The following TRAF3IP3 variants were observed in gnomAD, a reference collection of about 807,000 sequenced individuals.
TRAF3IP3 encodes TRAF3-interacting JNK-activating modulator.
Under a neutral mutation model 86.5 loss-of-function variants are expected in TRAF3IP3, and 64 were observed. The observed-to-expected ratio is 0.74, with a 90% CI of 0.60 to 0.91. The LOEUF is 0.91. TRAF3IP3 is among the 40% of genes least tolerant of loss of function. The pLI, the probability that TRAF3IP3 is intolerant of heterozygous loss-of-function variation, is 0.00. For synonymous variants in TRAF3IP3, 220 were observed against 243.9 expected (o/e 0.90, Z 0.91); for missense variants, 579 against 642.9 (o/e 0.90, Z 1.07).
chr1:209,763,001 C>A, intron 5 of TRAF3IP3, 67 bp from the exon 6 acceptor site: 1 of 1,595,260 alleles, frequency 6.3e-7, no homozygotes, highest in South Asian at 1.1e-5. Flanking sequence ...CAGAAGGAAT[C>A]AACCCACTGC....
At position 209,759,991 on chromosome 1, in the gene TRAF3IP3, T is replaced by C. The variant is rs2077217176; in HGVS notation, c.-49T>C. The C allele has an allele frequency of 1.3e-6, 2 of 1,504,442 alleles. No individual in the cohort carries two copies. Among genetic ancestry groups the C allele is most frequent in the Non-Finnish European group, 1.8e-6 (2 of 1,089,902 alleles). 93.2% of individuals were successfully genotyped at this position (1,504,442 alleles called of 1,614,324 possible). ...TCTTGGCATTTGGCAGATCCAGGCA[T>C]CTATTCCAGGAACTGGAAGCCAAGC... On this transcript the variant is annotated 5_prime_UTR_variant, in exon 3 of 17. Transcript: ENST00000367025.
chr1:209,779,252 T>C (rs746611557), intron 13 of TRAF3IP3, 63 bp from the exon 14 acceptor site: 2 of 1,455,280 alleles, frequency 1.4e-6, no homozygotes, highest in Non-Finnish European at 1.9e-6. Flanking sequence ...AGCAAAGTTC[T>C]GAAAAGAAAA....
chr1:209,768,144 G>GA (rs1299880381), intron 8 of TRAF3IP3: 9 of 985,402 alleles, frequency 9.1e-6, no homozygotes, highest in Non-Finnish European at 1.1e-5. Context: ...TGGTATCTGG[G>GA]AAAAATAATT....
intron 8 of TRAF3IP3, among the ~76,000 whole-genome samples, chr1:209,771,369 AGGTGTGTGTGC>A (rs1477591982): frequency 1.4e-5 from 1 of 72,472 alleles, no homozygotes. Flanking sequence ...GTGCAGCTGG[AGGTGTGTGTGC>A]AGGTGGAAGT....
At chr1:209,773,051 G>C in intron 9 of TRAF3IP3, 32 bp downstream of exon 9, 2 of 1,537,348 alleles carry the variant, frequency 1.3e-6, no homozygotes, top group Non-Finnish European at 1.8e-6. Flanking sequence ...TCCATCTCAG[G>C]AATCTAGAAT....
chr1:209,760,747 T>C (rs1294111364), intron 3 of TRAF3IP3, among the ~76,000 whole-genome samples: 3 of 152,100 alleles, frequency 2.0e-5, no homozygotes, highest in East Asian at 3.9e-4. Context: ...AGCCTTTTGA[T>C]AGAGACAAGA....
At position 209,777,394 on chromosome 1, in the gene TRAF3IP3, T is replaced by A; in HGVS notation, c.1096T>A (p.Phe366Ile). Residue 366 changes from phenylalanine (F) to isoleucine (I), a missense_variant, in exon 12 of 17, where the codon TTT becomes ATT. Phe to Ile is a conservative substitution (Grantham distance 21). Transcript: ENST00000367025. Reference sequence around the variant, plus strand: ...CTTACAGATGAACCAGGCCCTGCGATTTTTGGAAAATGAGCACCAGCAACT... The same window carrying A: ...CTTACAGATGAACCAGGCCCTGCGAATTTTGGAAAATGAGCACCAGCAACT... ...RDLQMNQALR[F>I]LENEHQQLQA... 6.2e-7 allele frequency: 1 copy of A among 1,613,456 alleles called. No homozygotes were observed. The highest frequency in any genetic ancestry group is 8.5e-7 in the Non-Finnish European group (1 of 1,179,516).
At chr1:209,770,359 C>T (rs2077442296) in intron 8 of TRAF3IP3, among the ~76,000 whole-genome samples, 1 of 135,530 alleles carries the variant, frequency 7.4e-6, no homozygotes. Flanking sequence ...GTGTGTATGT[C>T]CAGATGGAAT....
chr1:209,767,915 TGG>T (rs2077388538), intron 8 of TRAF3IP3, among the ~76,000 whole-genome samples: 2 of 152,288 alleles, frequency 1.3e-5, no homozygotes, highest in South Asian at 4.1e-4. Flanking sequence ...GAAGTTCCCT[TGG>T]TTGTGGTTTC....
intron 16 of TRAF3IP3, 59 bp downstream of exon 16, chr1:209,781,517 C>T: frequency 7.7e-7 from 1 of 1,290,846 alleles, no homozygotes; most frequent in South Asian, 1.2e-5. Context: ...CTTCTTTAAC[C>T]AAGTTTTGCA....
chr1:209,773,101 G>A lies in TRAF3IP3; in HGVS notation c.774+82G>A, dbSNP rs115181469. On this transcript the variant is annotated intron_variant, in intron 9 of 16. Coordinates refer to ENST00000367025, the MANE Select transcript of TRAF3IP3 (RefSeq NM_025228.4). Reference sequence around the variant, plus strand: ...GTTTTTGAACCTCAATCTTACTTTCGAGAAACACCACCAGATAGAGAATAA... The same window carrying A: ...GTTTTTGAACCTCAATCTTACTTTCAAGAAACACCACCAGATAGAGAATAA... 1,978 of 1,216,232 alleles carry A rather than the reference G, an allele frequency of 1.6e-3. 33 individuals carry two copies. In the African/African-American group the frequency reaches 0.026, roughly 16 times the overall value. The allele number at this position is 1,216,232 out of a possible 1,614,324, so 75.3% of individuals were successfully genotyped here. A position where few individuals can be genotyped will look rare whatever the true frequency, so the allele number is the denominator to read the frequency against.
intron 12 of TRAF3IP3, chr1:209,777,717 T>A (rs1303732846): frequency 2.0e-6 from 1 of 511,258 alleles, no homozygotes; most frequent in Non-Finnish European, 3.4e-6. Context: ...CTGAGCTCTC[T>A]TTTTTAGCCC....
At chr1:209,763,905 G>A (rs931634573) in intron 8 of TRAF3IP3, among the ~76,000 whole-genome samples, 2 of 152,138 alleles carry the variant, frequency 1.3e-5, no homozygotes, top group African/African-American at 4.8e-5. Context: ...TACTAAATAT[G>A]CTAAATGTCA....
intron 8 of TRAF3IP3, among the ~76,000 whole-genome samples, chr1:209,766,735 A>G (rs1289345659): frequency 6.6e-6 from 1 of 152,192 alleles, no homozygotes; most frequent in Non-Finnish European, 1.5e-5. Context: ...GTAATCGTGC[A>G]TGCCTGAAGT....
chr1:209,773,706 A>G (rs2102495994), intron 9 of TRAF3IP3, among the ~76,000 whole-genome samples: 1 of 152,378 alleles, frequency 6.6e-6, no homozygotes, highest in Non-Finnish European at 1.5e-5. Flanking sequence ...ATGGCGTCTT[A>G]CAGGGGAAGA....
At chr1:209,759,429 C>T (rs2077206816) in intron 2 of TRAF3IP3, among the ~76,000 whole-genome samples, 1 of 152,204 alleles carries the variant, frequency 6.6e-6, no homozygotes, top group South Asian at 2.1e-4. Context: ...GTGCTGGTCA[C>T]AGGACTGGTC....
At chr1:209,781,316 A>C (rs868553521) in intron 15 of TRAF3IP3, 29 bp from the exon 16 acceptor site, 1 of 1,497,270 alleles carries the variant, frequency 6.7e-7, no homozygotes, top group Middle Eastern at 1.7e-4. Context: ...CAGAAGTGAC[A>C]GTGATGACTT....
At chr1:209,770,943 TG>T in intron 8 of TRAF3IP3, among the ~76,000 whole-genome samples, 1 of 132,714 alleles carries the variant, frequency 7.5e-6, no homozygotes, top group African/African-American at 3.0e-5. Flanking sequence ...CAGGTGGAGG[TG>T]TGCGTGTGCA....
At chr1:209,776,221 A>C (rs2102506271) in intron 11 of TRAF3IP3, 1 of 155,010 alleles carries the variant, frequency 6.5e-6, no homozygotes, top group South Asian at 2.0e-4. Flanking sequence ...CATCATCTTC[A>C]ATCTGTCCTA....
Sources: allele counts gnomAD v4.1 joint callset (sites outside exome capture counted in the v4.1 genomes callset), GRCh38; gene constraint gnomAD v4.1.1; transcripts MANE v1.5; gene names NCBI Gene and HGNC (gene_info 2026-07-23, HGNC 2026-07-21).